Variants in INTS6 observed in about 807,000 individuals in gnomAD.
The protein encoded by INTS6 is integrator complex subunit 6.
INTS6 carries 16 observed loss-of-function variants against 104.9 expected under a neutral mutation model. The observed-to-expected ratio is 0.15, with a 90% CI of 0.10 to 0.23. The LOEUF is 0.23. INTS6 is among the 10% of genes least tolerant of loss of function. INTS6 has a pLI of 1.00. For missense variants in INTS6, 584 were observed against 1,062.8 expected, an observed-to-expected ratio of 0.55 and a Z score of 6.26; for synonymous variants, 324 against 358.7, an observed-to-expected ratio of 0.90 and a Z score of 1.09.
the INTS6 span, chr13:51,344,178 A>G: frequency 2.0e-5 from 21 of 1,039,586 alleles, no homozygotes; most frequent in Middle Eastern, 2.0e-4. Context: ...TCTCAATGCA[A>G]TGTGTGCTGG....
At position 51,362,750 on chromosome 13, in the gene INTS6, G is replaced by A. The variant is rs555631091; in HGVS notation, c.*3002C>T. On this transcript the variant is annotated 3_prime_UTR_variant, in exon 18 of 18. Coordinates refer to ENST00000311234, the MANE Select transcript of INTS6 (RefSeq NM_012141.3). Reference sequence around the variant, plus strand: ...AATTATGCATAGTTTTACATAAATTGTTAAGGAAATACTGTCAACATCATT... The same window carrying A: ...AATTATGCATAGTTTTACATAAATTATTAAGGAAATACTGTCAACATCATT... The A allele has an allele frequency of 2.0e-5, 3 of 152,386 alleles. No homozygotes were observed. The South Asian group carries it at 6.2e-4, about 32-fold the overall frequency. 9.4% of individuals were successfully genotyped at this position (152,386 alleles called of 1,614,324 possible).
chr13:51,423,968 A>C (rs1014909621), intron 4 of INTS6, among the ~76,000 whole-genome samples: 1 of 152,064 alleles, frequency 6.6e-6, no homozygotes, highest in African/African-American at 2.4e-5. Context: ...ATCAACTGAA[A>C]CAAAATTTCC....
At chr13:51,336,409 C>T in the INTS6 span, among the ~76,000 whole-genome samples, 303 of 152,284 alleles carry the variant, frequency 2.0e-3, 1 homozygote, top group Middle Eastern at 3.4e-3. Context: ...ATTGCTTGAA[C>T]CCGGGAGGCA....
At chr13:51,347,313 T>A in the INTS6 span, 3 of 1,228,028 alleles carry the variant, frequency 2.4e-6, no homozygotes, top group East Asian at 4.9e-5. Context: ...GCCAGGTCCC[T>A]GCTCCTAAGG....
At chr13:51,335,739 A>C in the INTS6 span, 2 of 152,258 alleles carry the variant, frequency 1.3e-5, no homozygotes, top group African/African-American at 4.8e-5. Context: ...GCAGTTGCAC[A>C]CTGTCGAGTA....
At chr13:51,392,914 C>T (rs1956268734) in intron 5 of INTS6, among the ~76,000 whole-genome samples, 1 of 151,712 alleles carries the variant, frequency 6.6e-6, no homozygotes, top group African/African-American at 2.4e-5. Flanking sequence ...AAGAAAAATG[C>T]TTACAATGAC....
chr13:51,393,168 C>T (rs1260084907), intron 5 of INTS6, among the ~76,000 whole-genome samples: 1 of 151,472 alleles, frequency 6.6e-6, no homozygotes, highest in African/African-American at 2.4e-5. Flanking sequence ...ACTTCCACCT[C>T]CTGCGCTCAA....
At position 51,387,775 on chromosome 13, in the gene INTS6, G is replaced by A. The variant is rs186341914; in HGVS notation, c.740-235C>T. On this transcript the variant is annotated intron_variant, in intron 6 of 17. Transcript: ENST00000311234. ...CTATGAGTTCGCCAGTTCAAAGGAG[G>A]TCCGCAGCATCCTTTGCCTTCCCAA... is the stretch of plus-strand genomic sequence containing the variant. Among the ~76,000 whole-genome samples, 430 of 152,216 alleles carry A rather than the reference G, an allele frequency of 2.8e-3. 2 individuals carry two copies. Among genetic ancestry groups the A allele is most frequent in the South Asian group, 8.7e-3 (42 of 4,820 alleles).
At chr13:51,409,029 T>C (rs1039744110) in intron 4 of INTS6, among the ~76,000 whole-genome samples, 1 of 152,134 alleles carries the variant, frequency 6.6e-6, no homozygotes, top group Non-Finnish European at 1.5e-5. Flanking sequence ...ATCACAGAGT[T>C]TGAGTCTACG....
intron 4 of INTS6, among the ~76,000 whole-genome samples, chr13:51,416,127 T>A (rs1252018131): frequency 6.6e-6 from 1 of 152,168 alleles, no homozygotes; most frequent in Non-Finnish European, 1.5e-5. Context: ...AAAGTCAGAC[T>A]GTAATAGATT....
chr13:51,379,884 C>T (rs557319239), intron 10 of INTS6, among the ~76,000 whole-genome samples: 1 of 152,120 alleles, frequency 6.6e-6, no homozygotes, highest in African/African-American at 2.4e-5. Flanking sequence ...CTAGAGGTAG[C>T]TCTGATAAAA....
chr13:51,450,521 T>C (rs1953016753), intron 3 of INTS6: 1 of 984,806 alleles, frequency 1.0e-6, no homozygotes, highest in Non-Finnish European at 1.2e-6. Flanking sequence ...AAAAGAAAAC[T>C]TAAATGTTCT....
At chr13:51,395,048 C>T (rs987976274) in intron 5 of INTS6, among the ~76,000 whole-genome samples, 1 of 152,164 alleles carries the variant, frequency 6.6e-6, no homozygotes, top group Non-Finnish European at 1.5e-5. Flanking sequence ...TTAACAACTT[C>T]AAATAATAGC....
chr13:51,355,322 G>A (rs1357184962), intron 3 of INTS6, among the ~76,000 whole-genome samples: 4 of 152,142 alleles, frequency 2.6e-5, no homozygotes, highest in Non-Finnish European at 5.9e-5. Flanking sequence ...GATCTTGTGA[G>A]GAAGGGATGT....
At chr13:51,344,050 C>T in the INTS6 span, among the ~76,000 whole-genome samples, 1 of 152,166 alleles carries the variant, frequency 6.6e-6, no homozygotes, top group East Asian at 1.9e-4. Context: ...ATGGTTTCTT[C>T]CCAACTTTTA....
Position 51,451,175 on chromosome 13 carries a change from C to A in INTS6, c.190-1G>T. 6.5e-7 allele frequency: 1 copy of A among 1,544,840 alleles called. No homozygotes were observed. Among genetic ancestry groups the A allele is most frequent in the Non-Finnish European group, 8.7e-7 (1 of 1,152,612 alleles). On this transcript the variant is annotated splice_acceptor_variant, in intron 2 of 17. Coordinates refer to ENST00000311234, the MANE Select transcript of INTS6 (RefSeq NM_012141.3). LOFTEE classifies it high-confidence loss of function. ...TTGCATGGTTTTCTTTCCATCCAGC[C>A]TGAAAAGAAAAATGTAAGATTTTTT...
chr13:51,414,182 A>C (rs1005412392), intron 4 of INTS6, among the ~76,000 whole-genome samples: 6 of 152,226 alleles, frequency 3.9e-5, no homozygotes, highest in African/African-American at 1.4e-4. Flanking sequence ...CATTCAGATA[A>C]AAGCAAAGAT....
the INTS6 span, among the ~76,000 whole-genome samples, chr13:51,339,986 T>C: frequency 2.0e-5 from 3 of 152,214 alleles, no homozygotes; most frequent in Admixed American, 6.5e-5. Flanking sequence ...ACTGCATTTG[T>C]ACTTGGCTGT....
intron 10 of INTS6, among the ~76,000 whole-genome samples, chr13:51,381,711 T>C (rs1219891865): frequency 6.6e-6 from 1 of 151,726 alleles, no homozygotes; most frequent in African/African-American, 2.4e-5. Context: ...GTTTTTTTTT[T>C]TTTGGAGACG....
Sources: allele counts gnomAD v4.1 joint callset (sites outside exome capture counted in the v4.1 genomes callset), GRCh38; gene constraint gnomAD v4.1.1; transcripts MANE v1.5; gene names NCBI Gene and HGNC (gene_info 2026-07-23, HGNC 2026-07-21).